The following ST6GALNAC5 variants were observed in gnomAD, a reference collection of about 807,000 sequenced individuals.
ST6GALNAC5 encodes alpha-N-acetylgalactosaminide alpha-2,6-sialyltransferase 5.
ST6GALNAC5 carries 27 observed loss-of-function variants against 33.6 expected under a neutral mutation model. That is an observed-to-expected ratio of 0.80 (90% CI 0.59 to 1.11). The LOEUF is 1.11. ST6GALNAC5 is among the 50% of genes least tolerant of loss of function. The pLI is 0.00. For synonymous variants in ST6GALNAC5, 194 were observed against 171.2 expected, an observed-to-expected ratio of 1.13 and a Z score of -1.04; for missense variants, 428 against 454.0, an observed-to-expected ratio of 0.94 and a Z score of 0.52.
chr1:77,063,375 T>C lies in ST6GALNAC5; in HGVS notation c.*169T>C. The C allele has an allele frequency of 1.6e-6, 1 of 625,940 alleles. No homozygotes were observed. Among genetic ancestry groups the C allele is most frequent in the East Asian group, 2.8e-5 (1 of 36,208 alleles). The allele number at this position is 625,940 out of a possible 1,614,324, so 38.8% of individuals were successfully genotyped here. A position where few individuals can be genotyped will look rare whatever the true frequency, so the allele number is the denominator to read the frequency against. On this transcript the variant is annotated 3_prime_UTR_variant, in exon 5 of 5. Coordinates refer to ENST00000477717, the MANE Select transcript of ST6GALNAC5 (RefSeq NM_030965.3). Reference sequence around the variant, plus strand: ...GTGACAAAGCAGTGCAGTTGGATTGTAAGGAAAAATTCCGGAATTAATGCA... The same window carrying C: ...GTGACAAAGCAGTGCAGTTGGATTGCAAGGAAAAATTCCGGAATTAATGCA...
chr1:76,908,187 A>G (rs1646881659), intron 2 of ST6GALNAC5, among the ~76,000 whole-genome samples: 1 of 152,128 alleles, frequency 6.6e-6, no homozygotes, highest in South Asian at 2.1e-4. Flanking sequence ...AACAAAATAT[A>G]CCATGAACTG....
intron 2 of ST6GALNAC5, among the ~76,000 whole-genome samples, chr1:76,973,278 T>C (rs1648836979): frequency 6.6e-6 from 1 of 151,952 alleles, no homozygotes. Flanking sequence ...AATCAGCTCA[T>C]ACAATTAAGG....
At chr1:76,909,500 G>C (rs1646892098) in intron 2 of ST6GALNAC5, among the ~76,000 whole-genome samples, 1 of 152,044 alleles carries the variant, frequency 6.6e-6, no homozygotes, top group Admixed American at 6.6e-5. Context: ...ATAAATCTAA[G>C]TTTCTTTGTG....
chr1:76,881,941 TG>T (rs747653839), intron 2 of ST6GALNAC5, among the ~76,000 whole-genome samples: 9 of 152,262 alleles, frequency 5.9e-5, no homozygotes, highest in Admixed American at 3.3e-4. Flanking sequence ...GTGGCAGAGC[TG>T]GGGCAAAATG....
intron 2 of ST6GALNAC5, among the ~76,000 whole-genome samples, chr1:76,885,804 C>T (rs938728898): frequency 6.6e-6 from 1 of 152,198 alleles, no homozygotes; most frequent in Non-Finnish European, 1.5e-5. Flanking sequence ...TTTCATCCCC[C>T]ACCTATATGC....
intron 2 of ST6GALNAC5, among the ~76,000 whole-genome samples, chr1:76,921,658 C>T (rs2100297537): frequency 6.6e-6 from 1 of 152,186 alleles, no homozygotes. Flanking sequence ...GTTCTATAAC[C>T]ATTAATGAAA....
intron 4 of ST6GALNAC5, among the ~76,000 whole-genome samples, chr1:77,056,292 A>G (rs1652393715): frequency 6.6e-6 from 1 of 152,234 alleles, no homozygotes; most frequent in Admixed American, 6.5e-5. Context: ...TTGCTTTCCA[A>G]ACTAAGTTAT....
intron 2 of ST6GALNAC5, among the ~76,000 whole-genome samples, chr1:76,880,545 G>A (rs984339872): frequency 6.6e-6 from 1 of 152,164 alleles, no homozygotes; most frequent in Admixed American, 6.5e-5. Flanking sequence ...GGAACAAAAA[G>A]AGCCAGTCCG....
intron 2 of ST6GALNAC5, among the ~76,000 whole-genome samples, chr1:77,023,734 C>G (rs1395640901): frequency 6.6e-6 from 1 of 152,014 alleles, no homozygotes; most frequent in Non-Finnish European, 1.5e-5. Flanking sequence ...ATTATCATAT[C>G]CAGCACCACA....
chr1:76,939,282 C>T (rs753283828), intron 2 of ST6GALNAC5, among the ~76,000 whole-genome samples: 36 of 152,104 alleles, frequency 2.4e-4, no homozygotes, highest in Non-Finnish European at 5.0e-4. Context: ...GAAAGCGAAA[C>T]AACATTATTG....
chr1:76,918,304 T>C (rs1487085732), intron 2 of ST6GALNAC5, among the ~76,000 whole-genome samples: 1 of 151,902 alleles, frequency 6.6e-6, no homozygotes, highest in Non-Finnish European at 1.5e-5. Flanking sequence ...ACAACATCAG[T>C]AATGGAAGAG....
At chr1:76,989,728 G>A (rs1649650596) in intron 2 of ST6GALNAC5, among the ~76,000 whole-genome samples, 2 of 151,096 alleles carry the variant, frequency 1.3e-5, no homozygotes, top group South Asian at 4.2e-4. Context: ...TCAAAAAAAT[G>A]TGCCTTGTCT....
At chr1:76,889,305 G>T (rs1195807923) in intron 2 of ST6GALNAC5, among the ~76,000 whole-genome samples, 5 of 151,960 alleles carry the variant, frequency 3.3e-5, no homozygotes, top group African/African-American at 9.7e-5. Flanking sequence ...TTTCACATTA[G>T]CATTATTGTG....
chr1:77,003,935 C>T (rs1395546546), intron 2 of ST6GALNAC5, among the ~76,000 whole-genome samples: 1 of 127,488 alleles, frequency 7.8e-6, no homozygotes, highest in Non-Finnish European at 1.7e-5. Flanking sequence ...TTTTTTCCTT[C>T]ATTTCAACTT....
chr1:77,007,338 C>T (rs367806862), intron 2 of ST6GALNAC5, among the ~76,000 whole-genome samples: 42 of 152,318 alleles, frequency 2.8e-4, no homozygotes, highest in African/African-American at 4.6e-4. Flanking sequence ...ACCTCTGCAA[C>T]GCTCTCCATT....
intron 2 of ST6GALNAC5, among the ~76,000 whole-genome samples, chr1:76,879,344 G>C (rs1653724608): frequency 6.6e-6 from 1 of 152,150 alleles, no homozygotes; most frequent in Non-Finnish European, 1.5e-5. Flanking sequence ...CTGAGCTGCA[G>C]TATTAAAAGC....
At chr1:77,043,378 T>C (rs1439083864) in intron 2 of ST6GALNAC5, among the ~76,000 whole-genome samples, 1 of 152,270 alleles carries the variant, frequency 6.6e-6, no homozygotes, top group Non-Finnish European at 1.5e-5. Flanking sequence ...GAGTTGTCTT[T>C]GGTGAACACC....
chr1:76,982,941 C>G (rs1649318062), intron 2 of ST6GALNAC5, among the ~76,000 whole-genome samples: 1 of 151,942 alleles, frequency 6.6e-6, no homozygotes, highest in South Asian at 2.1e-4. Context: ...AAATAAAATC[C>G]TTTACAGGCA....
At position 76,868,965 on chromosome 1, in the gene ST6GALNAC5, C is replaced by G; in HGVS notation, c.261+223C>G. On this transcript the variant is annotated intron_variant, in intron 2 of 4. Transcript: ENST00000477717. This position sits in a 1 kb window ranked among gnomAD's most constrained non-coding sequence, Gnocchi z 4.3. Reference sequence around the variant, plus strand: ...AGAAAATAGGGGTGAGGTGCGTGGACCCCAAAGCCTAATTTCCCAGCAGAA... The same window carrying G: ...AGAAAATAGGGGTGAGGTGCGTGGAGCCCAAAGCCTAATTTCCCAGCAGAA... 1.5e-6 allele frequency: 1 copy of G among 651,488 alleles called. No individual in the cohort carries two copies. The highest frequency in any genetic ancestry group is 2.3e-6 in the Non-Finnish European group (1 of 431,540). 40.4% of individuals were successfully genotyped at this position (651,488 alleles called of 1,614,324 possible). A position where few individuals can be genotyped will look rare whatever the true frequency, so the allele number is the denominator to read the frequency against.
Sources: gnomAD v4.1 joint callset for allele counts (sites outside exome capture counted in the v4.1 genomes callset) on GRCh38, gnomAD v4.1.1 for gene constraint, Gnocchi (gnomAD v3.1) non-coding constraint, MANE v1.5 for transcripts, NCBI Gene and HGNC (gene_info 2026-07-23, HGNC 2026-07-21) for gene names.